TJP1: variants seen among roughly 807,000 people sequenced by gnomAD.
The protein encoded by TJP1 is tight junction protein 1.
A neutral mutation model predicts 194.2 loss-of-function variants in TJP1; 43 were observed. The ratio of observed to expected loss-of-function variants is 0.22; its 90% CI spans 0.17 to 0.29. The LOEUF is 0.29. Among genes scored for constraint, TJP1 ranks in the 10% least tolerant of loss-of-function variants. The pLI is 1.00. For synonymous variants in TJP1, 801 were observed against 779.0 expected, an observed-to-expected ratio of 1.03 and a Z score of -0.47; for missense variants, 1,971 against 2,185.7, an observed-to-expected ratio of 0.90 and a Z score of 1.96.
At chr15:29,699,950 C>G, downstream of TJP1, 1 of 241,500 alleles carries the variant, frequency 4.1e-6, no homozygotes. Context: ...GGTCCTTCTG[C>G]CCCACTTCAG....
chr15:29,800,545 C>A, intron 2 of TJP1, 101 bp downstream of exon 2: 1 of 1,119,358 alleles, frequency 8.9e-7, no homozygotes, highest in South Asian at 1.5e-5. Flanking sequence ...AAAAAGTTTC[C>A]TCCTCCCTCT....
intron 18 of TJP1, 49 bp from the exon 19 acceptor site, chr15:29,720,757 G>A: frequency 1.4e-6 from 2 of 1,424,742 alleles, no homozygotes; most frequent in Non-Finnish European, 9.6e-7. Context: ...AGTTCTTTAA[G>A]AGATGGCCTT....
chr15:29,741,001 C>A, intron 10 of TJP1: 2 of 217,106 alleles, frequency 9.2e-6, no homozygotes, highest in Non-Finnish European at 1.8e-5. Flanking sequence ...GATTGAGAAA[C>A]ACTGATTTTT....
intron 2 of TJP1, among the ~76,000 whole-genome samples, chr15:29,864,454 A>C (rs537935796): frequency 6.6e-6 from 1 of 152,210 alleles, no homozygotes; most frequent in African/African-American, 2.4e-5. Context: ...CATTTAGCTT[A>C]GTAACTCAAG....
intron 2 of TJP1, among the ~76,000 whole-genome samples, chr15:29,949,266 C>T (rs374439924): frequency 0.07 from 6,363 of 91,090 alleles, 787 homozygotes; most frequent in East Asian, 0.13. Flanking sequence ...TCCACCACCA[C>T]CACCTCCATC....
chr15:29,810,738 A>G (rs1314636022), intron 1 of TJP1, among the ~76,000 whole-genome samples: 2 of 152,198 alleles, frequency 1.3e-5, no homozygotes, highest in Non-Finnish European at 2.9e-5. Flanking sequence ...GCTCTGGGCA[A>G]AGTCCTTGAG....
At chr15:29,961,333 TC>T (rs1567239047) in intron 1 of TJP1, among the ~76,000 whole-genome samples, 3 of 109,758 alleles carry the variant, frequency 2.7e-5, no homozygotes, top group African/African-American at 9.9e-5. Context: ...TTTTCCTAAT[TC>T]TTTTTTTTTT....
Position 29,766,259 on chromosome 15 carries a change from A to C in TJP1, c.589+7T>G, listed in dbSNP as rs748254801. The C allele has an allele frequency of 1.2e-6, 2 of 1,606,820 alleles. No homozygotes were observed. The highest frequency in any genetic ancestry group is 3.4e-5 in the Admixed American group (2 of 58,282). On this transcript the variant is annotated splice_region_variant and intron_variant, in intron 5 of 27. Transcript: ENST00000614355. ...TGAAAAAAACAGCAAGAGTTGGCAG[A>C]GAATACCTTCATTTTTCCGGGATTT...
At chr15:29,752,979 AC>A (rs1484207516) in intron 8 of TJP1, among the ~76,000 whole-genome samples, 1 of 152,040 alleles carries the variant, frequency 6.6e-6, no homozygotes, top group Non-Finnish European at 1.5e-5. Context: ...GGTCTTTCTT[AC>A]CCAGTTCAAA....
At chr15:29,796,845 A>G (rs1253413785) in intron 2 of TJP1, among the ~76,000 whole-genome samples, 2 of 152,212 alleles carry the variant, frequency 1.3e-5, no homozygotes, top group Non-Finnish European at 2.9e-5. Flanking sequence ...AGACCAGACA[A>G]GGGAGTCCAG....
chr15:29,927,095 G>A (rs114161104), intron 2 of TJP1, among the ~76,000 whole-genome samples: 2,073 of 152,288 alleles, frequency 0.014, 53 homozygotes, highest in African/African-American at 0.047. Flanking sequence ...TGAGGTGGGT[G>A]CATCACCTGA....
intron 2 of TJP1, among the ~76,000 whole-genome samples, chr15:29,781,714 C>T (rs559700507): frequency 1.1e-3 from 171 of 152,250 alleles, no homozygotes; most frequent in Non-Finnish European, 2.1e-3. Flanking sequence ...AAGACAAAAA[C>T]CACGTGATTA....
chr15:29,714,123 A>G (rs2042404311), intron 23 of TJP1, among the ~76,000 whole-genome samples: 1 of 152,224 alleles, frequency 6.6e-6, no homozygotes, highest in Non-Finnish European at 1.5e-5. Context: ...TCTACACCCT[A>G]AAGTTATACA....
chr15:29,760,210 CCAGA>C, intron 8 of TJP1: 3 of 702,210 alleles, frequency 4.3e-6, no homozygotes, highest in Non-Finnish European at 7.8e-6. Flanking sequence ...TTGGGAGTCT[CCAGA>C]AATTGTATGC....
chr15:29,802,692 CAT>C (rs2048867331), intron 1 of TJP1, among the ~76,000 whole-genome samples: 3 of 151,990 alleles, frequency 2.0e-5, no homozygotes, highest in South Asian at 2.1e-4. Context: ...CTAACATACA[CAT>C]GATAAAAGTA....
chr15:29,771,200 C>T (rs904383315), intron 4 of TJP1, among the ~76,000 whole-genome samples: 1 of 152,200 alleles, frequency 6.6e-6, no homozygotes, highest in Admixed American at 6.5e-5. Flanking sequence ...TCAGGCAATT[C>T]TGTCTTTGTG....
At chr15:29,905,209 T>A (rs1254049380) in intron 2 of TJP1, among the ~76,000 whole-genome samples, 1 of 152,210 alleles carries the variant, frequency 6.6e-6, no homozygotes, top group Non-Finnish European at 1.5e-5. Context: ...CACAACAGCC[T>A]TTGGGAAAAA....
chr15:29,789,308 C>T (rs954400491), intron 2 of TJP1, among the ~76,000 whole-genome samples: 2 of 152,102 alleles, frequency 1.3e-5, no homozygotes, highest in Admixed American at 6.5e-5. Flanking sequence ...AGATAGAAAA[C>T]GGACTTAAGA....
At chr15:29,808,113 C>A (rs555972784) in intron 1 of TJP1, among the ~76,000 whole-genome samples, 1 of 152,134 alleles carries the variant, frequency 6.6e-6, no homozygotes, top group Non-Finnish European at 1.5e-5. Flanking sequence ...ACTAAAAATA[C>A]AAAAATTAGC....
Sources: allele counts gnomAD v4.1 joint callset (sites outside exome capture counted in the v4.1 genomes callset), GRCh38; gene constraint gnomAD v4.1.1; transcripts MANE v1.5; gene names NCBI Gene and HGNC (gene_info 2026-07-23, HGNC 2026-07-21).